UST: variants seen among roughly 807,000 people sequenced by gnomAD.
The protein encoded by UST is chondroitin sulfate 2-O-sulfotransferase.
UST carries 21 observed loss-of-function variants against 45.6 expected under a neutral mutation model. That is an observed-to-expected ratio of 0.46 (90% CI 0.33 to 0.66). The LOEUF (loss-of-function observed/expected upper bound fraction) is 0.66, where lower values mean the gene tolerates loss of function less well. Ranked by LOEUF, UST falls within the 30% of genes least tolerant of loss-of-function variation. The pLI is 0.02. For missense variants in UST, 463 were observed against 512.4 expected, an observed-to-expected ratio of 0.90 and a Z score of 0.93; for synonymous variants, 215 against 200.6, an observed-to-expected ratio of 1.07 and a Z score of -0.61.
intron 7 of UST, among the ~76,000 whole-genome samples, chr6:149,061,022 G>A (rs1304019364): frequency 6.6e-6 from 1 of 152,142 alleles, no homozygotes; most frequent in African/African-American, 2.4e-5. Context: ...GGTCAGCGCG[G>A]AGTGTGCATA....
chr6:148,848,342 C>G (rs144531210), intron 1 of UST, among the ~76,000 whole-genome samples: 1,617 of 152,240 alleles, frequency 0.011, 26 homozygotes, highest in Non-Finnish European at 0.016. Flanking sequence ...TTCCCGCAAA[C>G]TTGAACTAAG....
At chr6:149,067,098 CA>C in intron 7 of UST, among the ~76,000 whole-genome samples, 1 of 152,048 alleles carries the variant, frequency 6.6e-6, no homozygotes, top group Middle Eastern at 3.2e-3. Flanking sequence ...TGAATGGGCC[CA>C]ATGCTCAGAC....
At chr6:148,860,490 T>C (rs1357469083) in intron 1 of UST, among the ~76,000 whole-genome samples, 4 of 152,190 alleles carry the variant, frequency 2.6e-5, no homozygotes, top group African/African-American at 9.6e-5. Flanking sequence ...CCTTTATTTC[T>C]TTCTCCTGCC....
At chr6:148,966,738 G>A (rs1197488011) in intron 5 of UST, among the ~76,000 whole-genome samples, 6 of 152,050 alleles carry the variant, frequency 3.9e-5, no homozygotes, top group South Asian at 4.2e-4. Flanking sequence ...CCATTTGTTC[G>A]TTTTTGTTTT....
At chr6:148,975,675 A>G (rs1042723820) in intron 5 of UST, among the ~76,000 whole-genome samples, 12 of 152,192 alleles carry the variant, frequency 7.9e-5, no homozygotes, top group Non-Finnish European at 1.6e-4. Context: ...TTTCAGTTAG[A>G]AAAAAAGCAT....
intron 1 of UST, among the ~76,000 whole-genome samples, chr6:148,760,533 G>A (rs1316683732): frequency 1.3e-5 from 2 of 151,998 alleles, no homozygotes; most frequent in African/African-American, 4.8e-5. Flanking sequence ...ATACTAAAAT[G>A]ACTATTATGT....
Position 149,074,324 on chromosome 6 carries a change from T to C in UST, c.*208T>C, listed in dbSNP as rs1453047774. 28 of 605,740 alleles carry C rather than the reference T, an allele frequency of 4.6e-5. 1 individual carries two copies. The South Asian group carries it at 5.4e-4, about 12-fold the overall frequency. 37.5% of individuals were successfully genotyped at this position (605,740 alleles called of 1,614,324 possible). On this transcript the variant is annotated 3_prime_UTR_variant, in exon 8 of 8. Transcript: ENST00000367463. ...GTGTTTTCTCTTGGCTCTTTGGGTCTTTCCCGGGTACACTAGATGGCTCCA... is the reference window on the plus strand; with the variant it reads ...GTGTTTTCTCTTGGCTCTTTGGGTCCTTCCCGGGTACACTAGATGGCTCCA...
chr6:149,072,886 G>C (rs896616181), intron 7 of UST, among the ~76,000 whole-genome samples: 1 of 152,180 alleles, frequency 6.6e-6, no homozygotes, highest in Non-Finnish European at 1.5e-5. Flanking sequence ...GGGAGTTATT[G>C]TTTAATGGAT....
chr6:148,819,916 G>A (rs114828777), intron 1 of UST, among the ~76,000 whole-genome samples: 1 of 152,164 alleles, frequency 6.6e-6, no homozygotes. Context: ...TCTTCTGGGG[G>A]TTTATACCCT....
intron 2 of UST, among the ~76,000 whole-genome samples, chr6:148,906,289 C>A (rs1779357849): frequency 6.6e-6 from 1 of 152,114 alleles, no homozygotes; most frequent in Admixed American, 6.5e-5. Context: ...AAAGAATATA[C>A]CAGTGAAGTG....
rs186354490 is a variant in UST at position 149,071,646 on chromosome 6, T to C, written c.938-2187T>C. Among the ~76,000 whole-genome samples the C allele has an allele frequency of 1.1e-3, 171 of 152,218 alleles. 1 individual carries two copies. Among genetic ancestry groups the C allele is most frequent in the African/African-American group, 3.7e-3 (154 of 41,530 alleles). On this transcript the variant is annotated intron_variant, in intron 7 of 7. Coordinates refer to ENST00000367463, the MANE Select transcript of UST (RefSeq NM_005715.3). ...TAGTCTTCATTAAAATTAAAAACTT[T>C]TATGCATCAAAGAACACTATCAACA...
chr6:148,930,904 T>G (rs920425512), intron 2 of UST, among the ~76,000 whole-genome samples: 8 of 152,276 alleles, frequency 5.3e-5, no homozygotes, highest in African/African-American at 1.9e-4. Flanking sequence ...AACTAACATT[T>G]GATTCAGACA....
intron 1 of UST, among the ~76,000 whole-genome samples, chr6:148,805,943 G>A (rs561213781): frequency 1.6e-4 from 25 of 152,198 alleles, no homozygotes; most frequent in Admixed American, 1.4e-3. Flanking sequence ...AGCAACTGTC[G>A]GTCTTTTTCT....
At chr6:148,893,848 CT>C in intron 2 of UST, among the ~76,000 whole-genome samples, 1 of 152,286 alleles carries the variant, frequency 6.6e-6, no homozygotes, top group East Asian at 1.9e-4. Context: ...GAGGAACTAA[CT>C]AGGTCAGATA....
At chr6:149,073,387 G>A (rs1234692875) in intron 7 of UST, among the ~76,000 whole-genome samples, 1 of 152,194 alleles carries the variant, frequency 6.6e-6, no homozygotes, top group East Asian at 1.9e-4. Flanking sequence ...AATGGATTTT[G>A]TATCAAATTA....
intron 7 of UST, among the ~76,000 whole-genome samples, chr6:149,044,823 C>G (rs1225758648): frequency 6.6e-6 from 1 of 152,184 alleles, no homozygotes; most frequent in African/African-American, 2.4e-5. Context: ...TAGCAAAAAG[C>G]TCTTCCAATA....
intron 4 of UST, among the ~76,000 whole-genome samples, chr6:148,958,257 A>T (rs975600723): frequency 6.6e-6 from 1 of 151,718 alleles, no homozygotes; most frequent in South Asian, 2.1e-4. Flanking sequence ...AACCATATCT[A>T]GTTTTATTAA....
chr6:148,972,187 G>T (rs1219828726), intron 5 of UST, among the ~76,000 whole-genome samples: 1 of 152,212 alleles, frequency 6.6e-6, no homozygotes, highest in African/African-American at 2.4e-5. Flanking sequence ...CATTGGCTGG[G>T]ATGTGTTAAA....
At chr6:148,759,021 C>T (rs1488636377) in intron 1 of UST, among the ~76,000 whole-genome samples, 2 of 152,108 alleles carry the variant, frequency 1.3e-5, no homozygotes, top group African/African-American at 4.8e-5. Context: ...CAGGGTGACC[C>T]GACAATAAGT....
Sources: allele counts gnomAD v4.1 joint callset (sites outside exome capture counted in the v4.1 genomes callset), GRCh38; gene constraint gnomAD v4.1.1; transcripts MANE v1.5; gene names NCBI Gene and HGNC (gene_info 2026-07-23, HGNC 2026-07-21).